Variants in TAFA1 observed in about 807,000 individuals in gnomAD.
TAFA1 encodes TAFA chemokine like family member 1.
A neutral mutation model predicts 18.5 loss-of-function variants in TAFA1; 4 were observed. The ratio of observed to expected loss-of-function variants is 0.22; its 90% CI spans 0.11 to 0.49. The LOEUF (loss-of-function observed/expected upper bound fraction) is 0.49. Among genes scored for constraint, TAFA1 ranks in the 20% least tolerant of loss-of-function variants. The probability of loss-of-function intolerance (pLI) is 0.98; values close to 1 mark genes in which losing one functional copy is unlikely to be tolerated. For missense variants in TAFA1, 147 were observed against 169.0 expected (o/e 0.87, Z 0.72); for synonymous variants, 56 against 55.2 (o/e 1.01, Z -0.06).
At chr3:68,134,488 T>G (rs1306092529) in intron 2 of TAFA1, among the ~76,000 whole-genome samples, 1 of 152,180 alleles carries the variant, frequency 6.6e-6, no homozygotes, top group African/African-American at 2.4e-5. Flanking sequence ...AATTTAATTT[T>G]GGGTTCTTGT....
At chr3:68,460,064 A>G (rs1269839303) in intron 3 of TAFA1, among the ~76,000 whole-genome samples, 1 of 152,184 alleles carries the variant, frequency 6.6e-6, no homozygotes, top group East Asian at 1.9e-4. Flanking sequence ...TCAATCTCCC[A>G]GTATGGCTAA....
chr3:68,305,450 TATATATAG>T (rs1440798060), intron 2 of TAFA1, among the ~76,000 whole-genome samples: 16 of 108,250 alleles, frequency 1.5e-4, no homozygotes, highest in African/African-American at 4.2e-4. Context: ...TATATATATA[TATATATAG>T]GTAGAAGGGG....
chr3:68,035,971 T>C (rs977799729), intron 2 of TAFA1, among the ~76,000 whole-genome samples: 3 of 152,118 alleles, frequency 2.0e-5, no homozygotes, highest in Non-Finnish European at 4.4e-5. Flanking sequence ...AAAAAAGGGA[T>C]AGAAAACTGA....
chr3:68,093,443 A>C (rs2106801362), intron 2 of TAFA1, among the ~76,000 whole-genome samples: 1 of 152,246 alleles, frequency 6.6e-6, no homozygotes, highest in African/African-American at 2.4e-5. Context: ...CACCCATGGC[A>C]GGCCCTTCTT....
chr3:68,339,853 G>T (rs539652820), intron 2 of TAFA1, among the ~76,000 whole-genome samples: 2 of 152,258 alleles, frequency 1.3e-5, no homozygotes, highest in East Asian at 3.9e-4. Flanking sequence ...ACTGTTCACC[G>T]ATTTGTAAGG....
intron 2 of TAFA1, among the ~76,000 whole-genome samples, chr3:68,167,306 C>T (rs1047392607): frequency 2.0e-5 from 3 of 152,104 alleles, no homozygotes; most frequent in Non-Finnish European, 4.4e-5. Context: ...GGCCGGGCGC[C>T]GTGGCTCACG....
At chr3:68,530,419 C>A (rs1487372533) in intron 3 of TAFA1, among the ~76,000 whole-genome samples, 1 of 152,134 alleles carries the variant, frequency 6.6e-6, no homozygotes, top group East Asian at 1.9e-4. Flanking sequence ...AAAATCAAGA[C>A]TCATGATTAA....
At chr3:68,108,699 A>G (rs1372283202) in intron 2 of TAFA1, among the ~76,000 whole-genome samples, 3 of 152,174 alleles carry the variant, frequency 2.0e-5, no homozygotes, top group African/African-American at 7.2e-5. Flanking sequence ...ATTGCTGATT[A>G]GATGAAGGTA....
At chr3:68,057,148 A>G (rs1375322558) in intron 2 of TAFA1, among the ~76,000 whole-genome samples, 1 of 152,184 alleles carries the variant, frequency 6.6e-6, no homozygotes, top group Non-Finnish European at 1.5e-5. Context: ...GAATCAATGT[A>G]TATTTCACCC....
intron 2 of TAFA1, among the ~76,000 whole-genome samples, chr3:68,315,353 A>G (rs2068590727): frequency 6.6e-6 from 1 of 152,148 alleles, no homozygotes; most frequent in African/African-American, 2.4e-5. Context: ...ATGTCCTCTC[A>G]GCTTGCTTTG....
intron 2 of TAFA1, among the ~76,000 whole-genome samples, chr3:68,337,859 T>C (rs1231100474): frequency 6.6e-6 from 1 of 152,164 alleles, no homozygotes; most frequent in Non-Finnish European, 1.5e-5. Context: ...CATTTGCCGA[T>C]CTTCTCTCTT....
intron 2 of TAFA1, among the ~76,000 whole-genome samples, chr3:68,280,470 A>G (rs2067878735): frequency 6.6e-6 from 1 of 152,196 alleles, no homozygotes; most frequent in African/African-American, 2.4e-5. Flanking sequence ...GTGAATTAGG[A>G]AAATTTTCAG....
At chr3:68,084,030 A>G (rs962717412) in intron 2 of TAFA1, among the ~76,000 whole-genome samples, 1 of 152,100 alleles carries the variant, frequency 6.6e-6, no homozygotes, top group African/African-American at 2.4e-5. Flanking sequence ...TTCCTCTGTA[A>G]GCAATGCTAT....
intron 3 of TAFA1, among the ~76,000 whole-genome samples, chr3:68,481,170 C>G (rs933635179): frequency 2.0e-5 from 3 of 152,188 alleles, no homozygotes. Flanking sequence ...ACATTGTTGA[C>G]TTTCAATATC....
intron 2 of TAFA1, among the ~76,000 whole-genome samples, chr3:68,145,856 G>A (rs950828693): frequency 6.6e-6 from 1 of 152,086 alleles, no homozygotes; most frequent in Non-Finnish European, 1.5e-5. Flanking sequence ...TAAAGCTCCT[G>A]GACAAAATTG....
At chr3:68,148,128 T>C (rs529770011) in intron 2 of TAFA1, among the ~76,000 whole-genome samples, 1 of 152,350 alleles carries the variant, frequency 6.6e-6, no homozygotes, top group East Asian at 1.9e-4. Context: ...GTTTGTCTAA[T>C]TAATAGCCAC....
chr3:68,188,099 G>T (rs951087307), intron 2 of TAFA1, among the ~76,000 whole-genome samples: 22 of 151,836 alleles, frequency 1.4e-4, no homozygotes, highest in African/African-American at 4.8e-4. Flanking sequence ...TCTGTGGATT[G>T]CCTATTCATA....
chr3:68,204,711 C>T (rs1355001150), intron 2 of TAFA1, among the ~76,000 whole-genome samples: 1 of 151,762 alleles, frequency 6.6e-6, no homozygotes, highest in Admixed American at 6.6e-5. Flanking sequence ...AACAGGCTTC[C>T]CATATAGAGC....
At chr3:68,208,409 G>A (rs528987801) in intron 2 of TAFA1, among the ~76,000 whole-genome samples, 1 of 151,974 alleles carries the variant, frequency 6.6e-6, no homozygotes, top group South Asian at 2.1e-4. Flanking sequence ...GAAACTTCTG[G>A]GATGCATTTT....
Sources: allele counts gnomAD v4.1 joint callset (sites outside exome capture counted in the v4.1 genomes callset), GRCh38; gene constraint gnomAD v4.1.1; transcripts MANE v1.5; gene names NCBI Gene and HGNC (gene_info 2026-07-23, HGNC 2026-07-21).